Variants in MBD5 observed in about 807,000 individuals in gnomAD.
MBD5 encodes methyl-CpG binding domain protein 5, also known as methyl-CpG-binding domain protein 5.
Under a neutral mutation model 117.3 loss-of-function variants are expected in MBD5, and 13 were observed. That is an observed-to-expected ratio of 0.11 (90% confidence interval 0.07 to 0.18). The LOEUF (loss-of-function observed/expected upper bound fraction) is 0.18, where lower values mean the gene tolerates loss of function less well. MBD5 is among the 10% of genes least tolerant of loss of function. MBD5 has a pLI of 1.00. For synonymous variants in MBD5, 727 were observed against 766.4 expected, an observed-to-expected ratio of 0.95 and a Z score of 0.85; for missense variants, 1,879 against 2,093.8, an observed-to-expected ratio of 0.90 and a Z score of 2.00.
intron 4 of MBD5, among the ~76,000 whole-genome samples, chr2:148,384,721 G>T (rs1438529135): frequency 2.6e-5 from 4 of 151,924 alleles, no homozygotes; most frequent in African/African-American, 9.7e-5. Context: ...ATATTACAAG[G>T]CTACAGTAAC....
chr2:148,512,906 C>G lies in MBD5; in HGVS notation c.5149C>G (p.Pro1717Ala), dbSNP rs758847157. 2.5e-6 allele frequency: 4 copies of G among 1,613,694 alleles called. No individual in the cohort carries two copies. The highest frequency in any genetic ancestry group is 3.4e-6 in the Non-Finnish European group (4 of 1,179,742). ...QIPQGDRQMR[P>A]PKPKRRKISR The stretch of plus-strand genomic sequence containing the variant: ...CCCACAGGGTGACAGACAAATGAGA[C>G]CCCCCAAACCCAAGAGGAGGAAGAT... Residue 1717 changes from proline (P) to alanine (A), a missense_variant, in exon 14 of 14, where the codon CCC becomes GCC. Transcript: ENST00000642680.
chr2:148,482,363 T>C (rs1472042384), intron 8 of MBD5, among the ~76,000 whole-genome samples: 1 of 152,110 alleles, frequency 6.6e-6, no homozygotes, highest in African/African-American at 2.4e-5. Context: ...ATGATACTAA[T>C]AAAATGGTTC....
At chr2:148,248,795 C>G (rs954994638) in intron 3 of MBD5, among the ~76,000 whole-genome samples, 1 of 151,818 alleles carries the variant, frequency 6.6e-6, no homozygotes, top group Non-Finnish European at 1.5e-5. Flanking sequence ...GACAGACTGA[C>G]CAGTGGAACA....
intron 3 of MBD5, among the ~76,000 whole-genome samples, chr2:148,338,689 G>A (rs1441741322): frequency 1.3e-5 from 2 of 152,140 alleles, no homozygotes; most frequent in African/African-American, 2.4e-5. Context: ...TTTTTGCAAA[G>A]CACACAGTTT....
intron 1 of MBD5, among the ~76,000 whole-genome samples, chr2:148,101,571 A>G (rs1696217587): frequency 6.6e-6 from 1 of 152,190 alleles, no homozygotes; most frequent in Admixed American, 6.5e-5. Flanking sequence ...ACATATATAT[A>G]AATGGACTTC....
chr2:148,494,806 C>T (rs769461325), intron 11 of MBD5, among the ~76,000 whole-genome samples: 1 of 151,984 alleles, frequency 6.6e-6, no homozygotes, highest in Non-Finnish European at 1.5e-5. Flanking sequence ...CTAAAAAATA[C>T]AAAAGAATTA....
At chr2:148,370,321 C>G (rs1703814775) in intron 4 of MBD5, among the ~76,000 whole-genome samples, 1 of 151,920 alleles carries the variant, frequency 6.6e-6, no homozygotes, top group Admixed American at 6.6e-5. Context: ...ATAAATTCTG[C>G]CTTCATTGTA....
chr2:148,086,637 A>G (rs1387689200), intron 1 of MBD5, among the ~76,000 whole-genome samples: 1 of 152,192 alleles, frequency 6.6e-6, no homozygotes, highest in Non-Finnish European at 1.5e-5. Context: ...TAGAGTAGGA[A>G]TTGGAACAGG....
Position 148,484,154 on chromosome 2 carries a change from C to A in MBD5, c.3544+19C>A. On this transcript the variant is annotated intron_variant, in intron 9 of 13. Transcript: ENST00000642680. ...CTACTTGGTAAGTTAAATTTTTTCA[C>A]AAATTTTTTACAAAAGAAACGTTTT... The A allele has an allele frequency of 1.4e-6, 2 of 1,416,094 alleles. No individual in the cohort carries two copies. Among genetic ancestry groups the A allele is most frequent in the Admixed American group, 3.2e-5 (1 of 30,950 alleles). 87.7% of individuals were successfully genotyped at this position (1,416,094 alleles called of 1,614,324 possible).
intron 3 of MBD5, among the ~76,000 whole-genome samples, chr2:148,323,874 T>C (rs1008921571): frequency 6.6e-6 from 1 of 152,230 alleles, no homozygotes; most frequent in Non-Finnish European, 1.5e-5. Flanking sequence ...ATTTTGGCTT[T>C]TGTTGCCATT....
chr2:148,081,240 G>T (rs557563787), intron 1 of MBD5, among the ~76,000 whole-genome samples: 1 of 152,236 alleles, frequency 6.6e-6, no homozygotes, highest in East Asian at 1.9e-4. Flanking sequence ...CCAACAGTTT[G>T]AATAAAGTAC....
intron 4 of MBD5, among the ~76,000 whole-genome samples, chr2:148,382,964 A>G (rs1167576019): frequency 6.6e-6 from 1 of 151,660 alleles, no homozygotes; most frequent in Non-Finnish European, 1.5e-5. Flanking sequence ...CAGTGTGTAG[A>G]GGGAAATTTA....
chr2:148,116,260 A>G (rs891563585), intron 1 of MBD5, among the ~76,000 whole-genome samples: 1 of 151,962 alleles, frequency 6.6e-6, no homozygotes. Flanking sequence ...ATAGGTTATC[A>G]CCGTGACTGA....
Position 148,513,031 on chromosome 2 carries a change from C to A in MBD5, c.*90C>A. 2 of 1,247,270 alleles carry A rather than the reference C, an allele frequency of 1.6e-6. No homozygotes were observed. Among genetic ancestry groups the A allele is most frequent in the South Asian group, 1.2e-5 (1 of 83,078 alleles). 77.3% of individuals were successfully genotyped at this position (1,247,270 alleles called of 1,614,324 possible). On this transcript the variant is annotated 3_prime_UTR_variant, in exon 14 of 14. Coordinates refer to ENST00000642680, the MANE Select transcript of MBD5 (RefSeq NM_001378120.1). Reference sequence around the variant, plus strand: ...GGTATTGATATAGCCACAGTTATATCAATATTTAGACTATGGCAGATAGCT... The same window carrying A: ...GGTATTGATATAGCCACAGTTATATAAATATTTAGACTATGGCAGATAGCT...
rs190654721 is a variant in MBD5, at chr2:148,452,964, A to C, written c.-556-5239A>C. ...AAAATTTTATAAGCCCACATGGTAA[A>C]AAATCAGAATGTAAAATTATATTGA... On this transcript the variant is annotated intron_variant, in intron 4 of 13. Transcript: ENST00000642680. 1.3e-3 allele frequency among the ~76,000 whole-genome samples: 192 copies of C among 152,318 alleles called. 2 individuals carry two copies. The highest frequency in any genetic ancestry group is 0.013 in the Admixed American group (192 of 15,290).
chr2:148,124,704 G>T (rs1229996588), intron 1 of MBD5, among the ~76,000 whole-genome samples: 1 of 152,064 alleles, frequency 6.6e-6, no homozygotes, highest in African/African-American at 2.4e-5. Flanking sequence ...CCTTTTACTT[G>T]CATATATGAG....
At chr2:148,185,185 T>C (rs1698624734) in intron 2 of MBD5, among the ~76,000 whole-genome samples, 2 of 152,306 alleles carry the variant, frequency 1.3e-5, no homozygotes, top group South Asian at 4.1e-4. Context: ...CCCACATATT[T>C]GAAGGACTGC....
chr2:148,450,181 T>G (rs1559076962), intron 4 of MBD5, among the ~76,000 whole-genome samples: 1 of 152,146 alleles, frequency 6.6e-6, no homozygotes, highest in Non-Finnish European at 1.5e-5. Context: ...CACATCTACA[T>G]TAACTAACTT....
chr2:148,169,640 G>A (rs1698210220), intron 1 of MBD5, among the ~76,000 whole-genome samples: 1 of 152,170 alleles, frequency 6.6e-6, no homozygotes, highest in Non-Finnish European at 1.5e-5. Context: ...AGGAAAAAAA[G>A]AGTGCTTCTT....
Sources: gnomAD v4.1 joint callset for allele counts (sites outside exome capture counted in the v4.1 genomes callset) on GRCh38, gnomAD v4.1.1 for gene constraint, MANE v1.5 for transcripts, NCBI Gene and HGNC (gene_info 2026-07-23, HGNC 2026-07-21) for gene names.